ETV1: variants seen among roughly 807,000 people sequenced by gnomAD.
ETV1 encodes the protein ETS variant transcription factor 1, also known as ETS translocation variant 1.
In ETV1, 27 loss-of-function variants were observed where a neutral mutation model predicts 62.3. The observed-to-expected ratio is 0.43, with a 90% CI of 0.32 to 0.60. The LOEUF (loss-of-function observed/expected upper bound fraction) is 0.60. Ranked by LOEUF, ETV1 falls within the 20% of genes least tolerant of loss-of-function variation. ETV1 has a pLI of 0.06. For missense variants in ETV1, 605 were observed against 605.8 expected, an observed-to-expected ratio of 1.00 and a Z score of 0.01; for synonymous variants, 222 against 199.6, an observed-to-expected ratio of 1.11 and a Z score of -0.94.
chr7:13,989,183 G>A, intron 2 of ETV1, 44 bp from the exon 3 acceptor site: 3 of 719,818 alleles, frequency 4.2e-6, no homozygotes, highest in African/African-American at 1.8e-5. Flanking sequence ...AAAAAATCAT[G>A]AATGAAGCTC....
chr7:13,962,202 C>CGTGTGT (rs200758538), intron 6 of ETV1, among the ~76,000 whole-genome samples: 2 of 148,876 alleles, frequency 1.3e-5, no homozygotes, highest in African/African-American at 5.0e-5. Flanking sequence ...CACACACACA[C>CGTGTGT]GTGTGTGTGT....
intron 5 of ETV1, chr7:13,986,119 A>C: frequency 6.3e-7 from 1 of 1,583,286 alleles, no homozygotes; most frequent in Non-Finnish European, 8.6e-7. Context: ...TACACACCTA[A>C]CGTTCTGTGT....
intron 7 of ETV1, among the ~76,000 whole-genome samples, chr7:13,938,066 C>G (rs557787144): frequency 1.3e-5 from 2 of 152,280 alleles, no homozygotes; most frequent in South Asian, 4.1e-4. Flanking sequence ...CTGCCTCAGC[C>G]TCTGTAGTAG....
At chr7:13,979,286 C>T (rs979787628) in intron 5 of ETV1, among the ~76,000 whole-genome samples, 16 of 152,010 alleles carry the variant, frequency 1.1e-4, no homozygotes, top group African/African-American at 3.6e-4. Context: ...CTTTCCAGTC[C>T]TCTACCCACC....
chr7:13,913,480 A>G (rs1437784276), intron 9 of ETV1, among the ~76,000 whole-genome samples: 1 of 152,162 alleles, frequency 6.6e-6, no homozygotes, highest in East Asian at 1.9e-4. Flanking sequence ...AATAATAATG[A>G]CATCCTTAAA....
chr7:13,896,219 C>T, intron 13 of ETV1, 132 bp from the exon 14 acceptor site: 1 of 611,260 alleles, frequency 1.6e-6, no homozygotes, highest in Non-Finnish European at 2.9e-6. Context: ...AAGCAAACAA[C>T]TAATAGCAGA....
At chr7:13,977,314 T>C (rs2074670) in intron 6 of ETV1, 113 bp downstream of exon 6, 350,065 of 644,768 alleles carry the variant, frequency 0.54, 97,007 homozygotes, top group East Asian at 0.62. Flanking sequence ...GTTAAAAAGG[T>C]GCTGGTACAA....
chr7:13,927,506 T>C (rs1785569831), intron 9 of ETV1, among the ~76,000 whole-genome samples: 1 of 152,182 alleles, frequency 6.6e-6, no homozygotes, highest in African/African-American at 2.4e-5. Context: ...AAACCACATA[T>C]AAATCTATGT....
chr7:13,907,634 G>T (rs1046514138), intron 11 of ETV1, among the ~76,000 whole-genome samples: 1 of 152,054 alleles, frequency 6.6e-6, no homozygotes, highest in Non-Finnish European at 1.5e-5. Context: ...GCTCACATTG[G>T]GGATTGAGTG....
chr7:13,928,199 T>C (rs1785650554), intron 9 of ETV1, among the ~76,000 whole-genome samples: 2 of 152,226 alleles, frequency 1.3e-5, no homozygotes, highest in Admixed American at 6.5e-5. Context: ...TTTTAAAATC[T>C]CTTTTCCATT....
At chr7:13,953,211 T>C (rs1789031308) in intron 6 of ETV1, among the ~76,000 whole-genome samples, 1 of 152,188 alleles carries the variant, frequency 6.6e-6, no homozygotes. Flanking sequence ...CTGGAGCTAT[T>C]TGAGAAACAG....
chr7:13,948,803 AAGTGACACCTGCT>A (rs1385432227), intron 6 of ETV1, among the ~76,000 whole-genome samples: 8 of 152,308 alleles, frequency 5.3e-5, no homozygotes, highest in African/African-American at 1.4e-4. Flanking sequence ...GCTGGATGGA[AAGTGACACCTGCT>A]AGTGACAGAG....
chr7:13,970,036 C>A (rs1332887659), intron 6 of ETV1, among the ~76,000 whole-genome samples: 1 of 151,276 alleles, frequency 6.6e-6, no homozygotes. Context: ...GCAGGAGAAT[C>A]ACGAGGACAG....
intron 6 of ETV1, among the ~76,000 whole-genome samples, chr7:13,945,846 G>A (rs1788098058): frequency 6.6e-6 from 1 of 152,204 alleles, no homozygotes; most frequent in African/African-American, 2.4e-5. Context: ...CCCACATGGA[G>A]TTGGTGCATG....
At chr7:13,899,598 T>C (rs1782205881) in intron 13 of ETV1, among the ~76,000 whole-genome samples, 1 of 152,182 alleles carries the variant, frequency 6.6e-6, no homozygotes, top group African/African-American at 2.4e-5. Flanking sequence ...TGTAACTATG[T>C]TTACAAACCC....
intron 9 of ETV1, among the ~76,000 whole-genome samples, chr7:13,922,844 G>A (rs1158888821): frequency 6.6e-6 from 1 of 152,116 alleles, no homozygotes; most frequent in Admixed American, 6.5e-5. Flanking sequence ...GGTTGCTTAT[G>A]TGTGCCCCAA....
rs765695670 is a variant in ETV1, at chr7:13,978,985, T to A, written c.182-1505A>T. ...CAAACAAAATCAAACAAATTAATAA[T>A]TTTTTCAAGTTTTAACTGATACCTA... On this transcript the variant is annotated intron_variant, in intron 5 of 13. Coordinates refer to ENST00000430479, the MANE Select transcript of ETV1 (RefSeq NM_004956.5). Among the ~76,000 whole-genome samples, 7 of 152,090 alleles carry A rather than the reference T, an allele frequency of 4.6e-5. No individual in the cohort carries two copies. The South Asian group carries it at 8.3e-4, about 18-fold the overall frequency.
At chr7:13,982,182 A>T (rs1378641886) in intron 5 of ETV1, among the ~76,000 whole-genome samples, 1 of 152,080 alleles carries the variant, frequency 6.6e-6, no homozygotes, top group Non-Finnish European at 1.5e-5. Flanking sequence ...CAGTAACTTG[A>T]AAACTTAAGG....
At chr7:13,980,137 CAT>C (rs1207533549) in intron 5 of ETV1, among the ~76,000 whole-genome samples, 3 of 152,110 alleles carry the variant, frequency 2.0e-5, no homozygotes, top group African/African-American at 7.2e-5. Flanking sequence ...TAACAAAAAA[CAT>C]ATGACTCACA....
Sources: gnomAD v4.1 joint callset for allele counts (sites outside exome capture counted in the v4.1 genomes callset) on GRCh38, gnomAD v4.1.1 for gene constraint, MANE v1.5 for transcripts, NCBI Gene and HGNC (gene_info 2026-07-23, HGNC 2026-07-21) for gene names.